ETNK2: variants seen among roughly 807,000 people sequenced by gnomAD.
The protein encoded by ETNK2 is ethanolamine kinase-like protein.
Under a neutral mutation model 46.2 loss-of-function variants are expected in ETNK2, and 33 were observed. The ratio of observed to expected loss-of-function variants is 0.71; its 90% CI spans 0.54 to 0.96. The LOEUF is 0.96. Ranked by LOEUF, ETNK2 falls within the 40% of genes least tolerant of loss-of-function variation. The probability of loss-of-function intolerance (pLI) is 0.00; values close to 1 mark genes in which losing one functional copy is unlikely to be tolerated. For synonymous variants in ETNK2, 194 were observed against 209.0 expected, an observed-to-expected ratio of 0.93 and a Z score of 0.62; for missense variants, 445 against 509.7, an observed-to-expected ratio of 0.87 and a Z score of 1.22.
Position 204,151,879 on chromosome 1 carries a change from C to T in ETNK2, c.-27G>A. ...CCCAGCAGCCCCACCCCCTCGGAGC[C>T]GCGGCAGACGCTAGCCCCGGCGGGG... On this transcript the variant is annotated 5_prime_UTR_variant, in exon 1 of 8. Coordinates refer to ENST00000367202, the MANE Select transcript of ETNK2 (RefSeq NM_018208.4). The surrounding 1 kb of genome is among the most constrained non-coding windows in gnomAD (Gnocchi z 8.0). 2.8e-6 allele frequency: 4 copies of T among 1,414,462 alleles called. No individual in the cohort carries two copies. The highest frequency in any genetic ancestry group is 3.7e-6 in the Non-Finnish European group (4 of 1,090,258). The allele number at this position is 1,414,462 out of a possible 1,614,324, so 87.6% of individuals were successfully genotyped here.
intron 5 of ETNK2, 25 bp downstream of exon 5, chr1:204,140,010 A>G (rs765776476): frequency 1.2e-6 from 2 of 1,601,768 alleles, no homozygotes; most frequent in South Asian, 1.1e-5. Context: ...TACAAAGCAC[A>G]TGACTGTAGA....
chr1:204,134,484 C>G (rs371138012), intron 7 of ETNK2, 31 bp downstream of exon 7: 3 of 1,609,968 alleles, frequency 1.9e-6, no homozygotes, highest in Non-Finnish European at 2.5e-6. Flanking sequence ...TCTCCCTTTT[C>G]TCCACGTCCC....
rs918794499 is a variant in ETNK2, at chr1:204,141,178, T to C, written c.784+137A>G. ...TTTTTTATTTCCTTTCCCCCTTCCC[T>C]CCTACAAATTAACTTAAGACCTAAA... On this transcript the variant is annotated intron_variant, in intron 4 of 7. Transcript: ENST00000367202. The C allele has an allele frequency of 6.6e-6, 7 of 1,061,352 alleles. No individual in the cohort carries two copies. In the African/African-American group the frequency reaches 1.1e-4, roughly 17 times the overall value. The allele number at this position is 1,061,352 out of a possible 1,614,324, so 65.7% of individuals were successfully genotyped here.
intron 6 of ETNK2, among the ~76,000 whole-genome samples, chr1:204,136,413 A>G (rs925071044): frequency 1.3e-5 from 2 of 149,664 alleles, no homozygotes; most frequent in African/African-American, 5.0e-5. Flanking sequence ...GTATATATAT[A>G]TATATATATA....
intron 4 of ETNK2, 149 bp from the exon 5 acceptor site, chr1:204,140,267 C>T: frequency 1.6e-6 from 1 of 622,780 alleles, no homozygotes; most frequent in Non-Finnish European, 2.9e-6. Context: ...CAGCAGTCTT[C>T]CAAGCTACTT....
intron 6 of ETNK2, among the ~76,000 whole-genome samples, chr1:204,135,141 G>A (rs142956121): frequency 1.3e-5 from 2 of 152,308 alleles, no homozygotes; most frequent in Admixed American, 6.5e-5. Context: ...CTGGGAGGCT[G>A]GTTGGGTTGG....
chr1:204,134,475 C>G (rs1242775228), intron 7 of ETNK2, 40 bp downstream of exon 7: 1 of 1,606,300 alleles, frequency 6.2e-7, no homozygotes, highest in Non-Finnish European at 8.5e-7. Context: ...AACCAAGGCT[C>G]TCCCTTTTCT....
intron 6 of ETNK2, among the ~76,000 whole-genome samples, chr1:204,135,220 C>T (rs1396762722): frequency 6.6e-6 from 1 of 152,170 alleles, no homozygotes; most frequent in Non-Finnish European, 1.5e-5. Context: ...AAACCGTGCT[C>T]TCCTTGTGGC....
In ETNK2 at chr1:204,140,121, A is replaced by G. The variant is rs770309851; in HGVS notation, c.785-3T>C. 6.2e-7 allele frequency: 1 copy of G among 1,613,150 alleles called. No homozygotes were observed. Among genetic ancestry groups the G allele is most frequent in the South Asian group, 1.1e-5 (1 of 91,068 alleles). ...ATAGTCAATGAACCGCACGTGACCT[A>G]TGAAGTAGAGGAGAATCGATGAGAG... On this transcript the variant is annotated splice_region_variant and splice_polypyrimidine_tract_variant and intron_variant, in intron 4 of 7. Transcript: ENST00000367202.
At chr1:204,139,274 A>G (rs998007017) in intron 5 of ETNK2, among the ~76,000 whole-genome samples, 3 of 152,188 alleles carry the variant, frequency 2.0e-5, no homozygotes, top group African/African-American at 7.2e-5. Flanking sequence ...CTCATGTACA[A>G]TTGCGCCAGT....
intron 3 of ETNK2, among the ~76,000 whole-genome samples, chr1:204,145,804 G>C (rs1481796860): frequency 2.0e-5 from 3 of 152,220 alleles, no homozygotes; most frequent in Non-Finnish European, 4.4e-5. Context: ...CCAGCAGGGA[G>C]CGTGAAGGAA....
intron 6 of ETNK2, among the ~76,000 whole-genome samples, chr1:204,136,824 C>A (rs944008179): frequency 2.0e-5 from 3 of 152,012 alleles, no homozygotes; most frequent in African/African-American, 7.2e-5. Flanking sequence ...AAGGGAATTG[C>A]TAACACAGGA....
At position 204,131,789 on chromosome 1, in the gene ETNK2, G is replaced by T; in HGVS notation, c.*395C>A. On this transcript the variant is annotated 3_prime_UTR_variant, in exon 8 of 8. Coordinates refer to ENST00000367202, the MANE Select transcript of ETNK2 (RefSeq NM_018208.4). The surrounding 1 kb of genome is among the most constrained non-coding windows in gnomAD (Gnocchi z 4.3). ...AGACGGACTGGAGGCTCAGGGCACT[G>T]GAGGTAGAAAGGAGCCCTCCCCGCC... 4.3e-6 allele frequency: 1 copy of T among 231,854 alleles called. No homozygotes were observed. Among genetic ancestry groups the T allele is most frequent in the Non-Finnish European group, 8.7e-6 (1 of 114,758 alleles). 14.4% of individuals were successfully genotyped at this position (231,854 alleles called of 1,614,324 possible).
rs1397911487 is a variant in ETNK2 at position 204,151,820 on chromosome 1, G to A, written c.33C>T (p.Arg11=). 6.8e-7 allele frequency: 1 copy of A among 1,478,704 alleles called. No homozygotes were observed. The highest frequency in any genetic ancestry group is 8.9e-7 in the Non-Finnish European group (1 of 1,117,918). The allele number at this position is 1,478,704 out of a possible 1,614,324, so 91.6% of individuals were successfully genotyped here. Residue 11 remains arginine, a synonymous_variant, in exon 1 of 8, where the codon CGC becomes CGT. Transcript: ENST00000367202. This position sits in a 1 kb window ranked among gnomAD's most constrained non-coding sequence, Gnocchi z 8.0. ...TGTGCCTCCTCAGGTGAAAGGACGC[G>A]CGCGGCTGAGGGGCCGAAGGGGGCA... MAVPPSAPQP[R]ASFHLRRHTP...
At position 204,151,736 on chromosome 1, in the gene ETNK2, G is replaced by C. The variant is rs1658013424; in HGVS notation, c.117C>G (p.Cys39Trp). The C allele has an allele frequency of 3.9e-6, 6 of 1,533,606 alleles. No homozygotes were observed. Among genetic ancestry groups the C allele is most frequent in the Non-Finnish European group, 5.3e-6 (6 of 1,141,088 alleles). 95.0% of individuals were successfully genotyped at this position (1,533,606 alleles called of 1,614,324 possible). ...CCCTCGGGGGGCCCGGCGGCTCCCG[G>C]CAGCTGGCGCTGGCCGCCGCCTTCT... ...MEEKAAASASCREPPGPPRAA... is the reference protein window; with the variant it reads ...MEEKAAASASWREPPGPPRAA... The change falls in exon 1 of 8, where the codon TGC becomes TGG. Residue 39 changes from cysteine (C) to tryptophan (W), a missense_variant. By Grantham distance (215) the Cys-to-Trp change is radical. Coordinates refer to ENST00000367202, the MANE Select transcript of ETNK2 (RefSeq NM_018208.4). The surrounding 1 kb of genome is among the most constrained non-coding windows in gnomAD (Gnocchi z 8.0).
At chr1:204,133,700 T>A (rs11240674) in intron 7 of ETNK2, among the ~76,000 whole-genome samples, 2 of 150,678 alleles carry the variant, frequency 1.3e-5, no homozygotes, top group East Asian at 3.9e-4. Context: ...CCCGGCTAAT[T>A]TTTTGTATTT....
chr1:204,143,728 G>C (rs1256238967), intron 3 of ETNK2, among the ~76,000 whole-genome samples: 1 of 152,150 alleles, frequency 6.6e-6, no homozygotes, highest in African/African-American at 2.4e-5. Flanking sequence ...GATCTGGACA[G>C]GCAAGAGTAC....
At chr1:204,150,949 A>T (rs1459469773) in intron 1 of ETNK2, 1 of 152,750 alleles carries the variant, frequency 6.5e-6, no homozygotes, top group Non-Finnish European at 1.5e-5. Flanking sequence ...GGCTGGAGGT[A>T]GTCAGCTGGG....
chr1:204,148,569 G>GACACACACACACACACAC (rs61199759), intron 2 of ETNK2, among the ~76,000 whole-genome samples: 4 of 145,222 alleles, frequency 2.8e-5, no homozygotes, highest in African/African-American at 1.0e-4. Context: ...ACACCCTCAA[G>GACACACACACACACACAC]ACACACACAC....
Sources: allele counts gnomAD v4.1 joint callset (sites outside exome capture counted in the v4.1 genomes callset), GRCh38; gene constraint gnomAD v4.1.1; non-coding constraint Gnocchi (gnomAD v3.1); transcripts MANE v1.5; gene names NCBI Gene and HGNC (gene_info 2026-07-23, HGNC 2026-07-21).